Variants in PIWIL3 observed in about 807,000 individuals in gnomAD.
PIWIL3 encodes piwi-like protein 3.
Under a neutral mutation model 109.7 loss-of-function variants are expected in PIWIL3, and 101 were observed. That is an observed-to-expected ratio of 0.92 (90% CI 0.78 to 1.09). The LOEUF is 1.09. Ranked by LOEUF, PIWIL3 falls within the 50% of genes least tolerant of loss-of-function variation. PIWIL3 has a pLI of 0.00. For synonymous variants in PIWIL3, 373 were observed against 376.4 expected, an observed-to-expected ratio of 0.99 and a Z score of 0.10; for missense variants, 1,031 against 1,072.6, an observed-to-expected ratio of 0.96 and a Z score of 0.54.
intron 13 of PIWIL3, among the ~76,000 whole-genome samples, chr22:24,734,762 G>A (rs1005822381): frequency 6.6e-6 from 1 of 151,800 alleles, no homozygotes; most frequent in Non-Finnish European, 1.5e-5. Context: ...AAATACACCA[G>A]GGTCCTGTGT....
At chr22:24,766,564 C>T (rs1244780909) in intron 1 of PIWIL3, among the ~76,000 whole-genome samples, 3 of 151,792 alleles carry the variant, frequency 2.0e-5, no homozygotes, top group Non-Finnish European at 2.9e-5. Context: ...CCTTGTGATC[C>T]GCCTGCCTCA....
rs186333682 is a variant in PIWIL3 at position 24,774,633 on chromosome 22, C to G, written c.-334G>C. 6.6e-6 allele frequency: 1 copy of G among 151,658 alleles called. No individual in the cohort carries two copies. Among genetic ancestry groups the G allele is most frequent in the African/African-American group, 2.4e-5 (1 of 41,172 alleles). The allele number at this position is 151,658 out of a possible 1,614,324, so 9.4% of individuals were successfully genotyped here. On this transcript the variant is annotated 5_prime_UTR_variant, in exon 1 of 21. Coordinates refer to ENST00000616349, the MANE Select transcript of PIWIL3 (RefSeq NM_001255975.1). Reference sequence around the variant, plus strand: ...CCATCCTGGCTAACACAGTGAAACCCTATCTCTACTAAAAATACAAAAAAT... The same window carrying G: ...CCATCCTGGCTAACACAGTGAAACCGTATCTCTACTAAAAATACAAAAAAT...
chr22:24,750,425 C>CA (rs1221626247), intron 9 of PIWIL3, among the ~76,000 whole-genome samples: 1 of 151,216 alleles, frequency 6.6e-6, no homozygotes, highest in Non-Finnish European at 1.5e-5. Context: ...CTGAGTTCTA[C>CA]AGGGCTGAGA....
intron 14 of PIWIL3, among the ~76,000 whole-genome samples, chr22:24,729,203 T>C (rs1177380791): frequency 6.6e-6 from 1 of 152,086 alleles, no homozygotes; most frequent in Non-Finnish European, 1.5e-5. Context: ...TTAGAAAAGC[T>C]TTTGTGTTTA....
chr22:24,752,044 C>A (rs1272457317), intron 8 of PIWIL3, among the ~76,000 whole-genome samples: 1 of 151,602 alleles, frequency 6.6e-6, no homozygotes, highest in South Asian at 2.1e-4. Context: ...ATTTATGTGC[C>A]GATTTTAATA....
chr22:24,744,201 A>AAAAAAAAAAC (rs1924208631), intron 12 of PIWIL3, among the ~76,000 whole-genome samples: 1 of 148,770 alleles, frequency 6.7e-6, no homozygotes, highest in Non-Finnish European at 1.5e-5. Context: ...AAAAAAAAAA[A>AAAAAAAAAAC]AAAAAACAAT....
chr22:24,754,080 T>TA lies in PIWIL3; in HGVS notation c.910_911insT (p.Gln304LeufsTer13). On this transcript the variant is annotated frameshift_variant, in exon 8 of 21. Coordinates refer to ENST00000616349, the MANE Select transcript of PIWIL3 (RefSeq NM_001255975.1). LOFTEE classifies it high-confidence loss of function. ...CTCTCGGATGTTTCCTGTCTGGGCC[T>TA]GGGCAGATGTTCTCTTTATGAAATC... 1.9e-6 allele frequency: 3 copies of TA among 1,613,152 alleles called. No homozygotes were observed. Among genetic ancestry groups the TA allele is most frequent in the Non-Finnish European group, 2.5e-6 (3 of 1,179,068 alleles).
chr22:24,752,198 C>T (rs1456170572), intron 8 of PIWIL3, among the ~76,000 whole-genome samples: 1 of 151,598 alleles, frequency 6.6e-6, no homozygotes, highest in African/African-American at 2.4e-5. Flanking sequence ...AAAAAGCAGC[C>T]TCCAAATCAT....
intron 12 of PIWIL3, among the ~76,000 whole-genome samples, chr22:24,746,649 T>C (rs1389712626): frequency 1.5e-5 from 2 of 137,002 alleles, no homozygotes; most frequent in Admixed American, 7.2e-5. Flanking sequence ...AAAAAAAACA[T>C]AGAACTGATA....
chr22:24,753,396 T>C (rs1924824020), intron 8 of PIWIL3, among the ~76,000 whole-genome samples: 1 of 152,198 alleles, frequency 6.6e-6, no homozygotes, highest in Admixed American at 6.5e-5. Context: ...GACTATTCTT[T>C]CCCCTATTGA....
chr22:24,731,889 G>A (rs748303006), intron 14 of PIWIL3, among the ~76,000 whole-genome samples: 5 of 152,024 alleles, frequency 3.3e-5, no homozygotes, highest in African/African-American at 9.7e-5. Flanking sequence ...AGTTTGCTCC[G>A]GGAACACTTT....
intron 8 of PIWIL3, among the ~76,000 whole-genome samples, chr22:24,753,776 T>A (rs555378534): frequency 1.3e-5 from 2 of 152,334 alleles, no homozygotes; most frequent in South Asian, 2.1e-4. Flanking sequence ...TAGTGTTATG[T>A]GCAAGGTAGG....
chr22:24,735,838 G>A lies in PIWIL3; in HGVS notation c.1504C>T (p.Leu502Phe). 6.2e-7 allele frequency: 1 copy of A among 1,612,868 alleles called. No individual in the cohort carries two copies. The highest frequency in any genetic ancestry group is 8.5e-7 in the Non-Finnish European group (1 of 1,179,520). ...CAACTATGTAGTGGCATTGCATTAA[G>A]TAAGGGTAATTCTCTTATTTCTCTT... The part of the protein sequence containing the change: ...WSREIRELPL[L>F]NAMPLHSWLI... Residue 502 changes from leucine (L) to phenylalanine (F), a missense_variant, in exon 13 of 21, where the codon CTT (leucine) becomes TTT (phenylalanine). Physicochemically the swap from Leu to Phe is conservative, Grantham distance 22. Transcript: ENST00000616349.
chr22:24,755,053 TATAAAC>T (rs920263264), intron 6 of PIWIL3, among the ~76,000 whole-genome samples, 189 bp from the exon 7 acceptor site: 2 of 152,232 alleles, frequency 1.3e-5, no homozygotes, highest in African/African-American at 4.8e-5. Context: ...TCCATCTCCT[TATAAAC>T]ATAATATTGT....
chr22:24,743,735 TG>T (rs1457831779), intron 12 of PIWIL3, among the ~76,000 whole-genome samples: 1 of 152,142 alleles, frequency 6.6e-6, no homozygotes, highest in Admixed American at 6.5e-5. Context: ...GCTCAGGTGA[TG>T]GATGCACCAA....
At chr22:24,725,415 C>A in intron 17 of PIWIL3, 30 bp downstream of exon 17, 1 of 1,610,028 alleles carries the variant, frequency 6.2e-7, no homozygotes, top group Non-Finnish European at 8.5e-7. Flanking sequence ...TGTATAGTGT[C>A]GGGTTCCCCG....
chr22:24,752,733 T>C (rs1249163297), intron 8 of PIWIL3, among the ~76,000 whole-genome samples: 1 of 152,196 alleles, frequency 6.6e-6, no homozygotes, highest in Non-Finnish European at 1.5e-5. Context: ...GTTAGCATTT[T>C]AAGAAAGTGC....
chr22:24,761,915 T>TC (rs1455734908), intron 2 of PIWIL3: 1 of 967,552 alleles, frequency 1.0e-6, no homozygotes, highest in East Asian at 1.1e-4. Context: ...CAGTATATGG[T>TC]CCCCCTGGAG....
chr22:24,764,625 CGTGTGTGTGTGTGTGT>C (rs140531011), intron 1 of PIWIL3, among the ~76,000 whole-genome samples: 1,680 of 134,692 alleles, frequency 0.012, 23 homozygotes, highest in Non-Finnish European at 0.019. Context: ...TTGACCTTGC[CGTGTGTGTGTGTGTGT>C]GTGTGTGTGT....
Sources: allele counts gnomAD v4.1 joint callset (sites outside exome capture counted in the v4.1 genomes callset), GRCh38; gene constraint gnomAD v4.1.1; transcripts MANE v1.5; gene names NCBI Gene and HGNC (gene_info 2026-07-23, HGNC 2026-07-21).